FRAS1: variants seen among roughly 807,000 people sequenced by gnomAD.
FRAS1 encodes the protein Fraser extracellular matrix complex subunit 1, also known as extracellular matrix organizing protein FRAS1.
In FRAS1, 290 loss-of-function variants were observed where a neutral mutation model predicts 435.2. The observed-to-expected ratio is 0.67, with a 90% CI of 0.61 to 0.73. The LOEUF is 0.73. FRAS1 is among the 30% of genes least tolerant of loss of function. FRAS1 has a pLI of 0.00. For missense variants in FRAS1, 4,860 were observed against 5,001.5 expected (o/e 0.97, Z 0.85); for synonymous variants, 1,800 against 1,851.0 (o/e 0.97, Z 0.71).
chr4:78,265,327 G>C (rs568586869), intron 7 of FRAS1, among the ~76,000 whole-genome samples: 10 of 152,188 alleles, frequency 6.6e-5, no homozygotes, highest in Non-Finnish European at 1.5e-4. Flanking sequence ...CTGGCAAGCA[G>C]AACCTAGTTT....
intron 41 of FRAS1, among the ~76,000 whole-genome samples, chr4:78,443,154 G>A (rs898847094): frequency 2.0e-5 from 3 of 152,150 alleles, no homozygotes; most frequent in Admixed American, 6.5e-5. Context: ...TTTGAGACCA[G>A]TCTGGGCAAC....
intron 51 of FRAS1, among the ~76,000 whole-genome samples, chr4:78,471,298 C>T (rs1719699830): frequency 6.6e-6 from 1 of 152,078 alleles, no homozygotes; most frequent in East Asian, 1.9e-4. Context: ...TTTACCATCT[C>T]CATGGAGCTA....
chr4:78,379,661 AG>A (rs1560692518), intron 26 of FRAS1, 64 bp from the exon 27 acceptor site: 13 of 1,484,568 alleles, frequency 8.8e-6, no homozygotes, highest in Non-Finnish European at 1.2e-5. Flanking sequence ...AAACAAAATA[AG>A]GGGAAAGTGA....
chr4:78,473,635 A>T, intron 53 of FRAS1, 38 bp downstream of exon 53: 3 of 1,522,348 alleles, frequency 2.0e-6, no homozygotes, highest in Non-Finnish European at 2.7e-6. Context: ...TGAGAAATCA[A>T]TCAGGCAAGC....
chr4:78,332,844 A>T (rs968253980), intron 18 of FRAS1, among the ~76,000 whole-genome samples: 1 of 152,102 alleles, frequency 6.6e-6, no homozygotes, highest in African/African-American at 2.4e-5. Context: ...CACTTTATAA[A>T]CCTATGTGAA....
chr4:78,526,000 C>T (rs969124656), intron 69 of FRAS1, among the ~76,000 whole-genome samples: 43 of 152,164 alleles, frequency 2.8e-4, no homozygotes, highest in African/African-American at 6.3e-4. Flanking sequence ...GTGAGTGAAA[C>T]GGGTGCAGGG....
At chr4:78,188,730 T>C (rs1380968431) in intron 2 of FRAS1, among the ~76,000 whole-genome samples, 2 of 152,228 alleles carry the variant, frequency 1.3e-5, no homozygotes, top group East Asian at 3.8e-4. Flanking sequence ...TTTTTGCACA[T>C]TGAGCTCCAG....
intron 47 of FRAS1, 28 bp from the exon 48 acceptor site, chr4:78,463,991 GTC>G: frequency 6.2e-7 from 1 of 1,611,108 alleles, no homozygotes; most frequent in Non-Finnish European, 8.5e-7. Context: ...TTAATATCCT[GTC>G]TCTGTTTCTC....
intron 2 of FRAS1, among the ~76,000 whole-genome samples, chr4:78,176,146 C>A (rs962756239): frequency 2.0e-5 from 3 of 152,142 alleles, no homozygotes; most frequent in African/African-American, 7.2e-5. Context: ...AGTAATTTTT[C>A]TTTTGCAGTT....
intron 2 of FRAS1, among the ~76,000 whole-genome samples, chr4:78,067,692 T>C (rs1223953598): frequency 7.4e-6 from 1 of 134,660 alleles, no homozygotes; most frequent in East Asian, 2.2e-4. Context: ...TTATTATTAT[T>C]ATTATTATTA....
intron 14 of FRAS1, among the ~76,000 whole-genome samples, chr4:78,291,416 G>T (rs1018629216): frequency 1.3e-5 from 2 of 152,112 alleles, no homozygotes; most frequent in Admixed American, 1.3e-4. Flanking sequence ...CTCCTATGAG[G>T]CAGAGCTTGG....
chr4:78,105,572 T>C (rs1362048484), intron 2 of FRAS1, among the ~76,000 whole-genome samples: 1 of 152,202 alleles, frequency 6.6e-6, no homozygotes, highest in Non-Finnish European at 1.5e-5. Context: ...CTCTTTTGCA[T>C]GTGTTTGACA....
intron 2 of FRAS1, among the ~76,000 whole-genome samples, chr4:78,086,633 G>A (rs1407786718): frequency 6.6e-6 from 1 of 152,150 alleles, no homozygotes; most frequent in Non-Finnish European, 1.5e-5. Context: ...TACCATCAGA[G>A]AATACTATAA....
chr4:78,386,038 A>G (rs1279345706), intron 28 of FRAS1, among the ~76,000 whole-genome samples: 1 of 152,206 alleles, frequency 6.6e-6, no homozygotes, highest in Admixed American at 6.5e-5. Flanking sequence ...AAGTTACTCC[A>G]GTGAAAGATC....
chr4:78,077,581 C>T (rs1740699201), intron 2 of FRAS1, among the ~76,000 whole-genome samples: 1 of 152,066 alleles, frequency 6.6e-6, no homozygotes, highest in Non-Finnish European at 1.5e-5. Flanking sequence ...TTCTCATCAT[C>T]CACCCGCCTC....
rs1475418886 is a variant in FRAS1 at position 78,387,595 on chromosome 4, A to G, written c.3869A>G (p.His1290Arg). 2.5e-6 allele frequency: 4 copies of G among 1,613,708 alleles called. No individual in the cohort carries two copies. Among genetic ancestry groups the G allele is most frequent in the South Asian group, 1.1e-5 (1 of 91,028 alleles). Reference protein sequence around the residue: ...QLDELSRGLLHYAHDGSDSTS... With the variant: ...QLDELSRGLLRYAHDGSDSTS... ...GATGAACTCTCTAGAGGCCTTCTCC[A>G]CTATGCTCATGATGGTTCAGACAGC... The change falls in exon 29 of 74, where the codon CAC (histidine) becomes CGC (arginine). Residue 1290 changes from histidine to arginine, a missense_variant. Coordinates refer to ENST00000512123, the MANE Select transcript of FRAS1 (RefSeq NM_025074.7).
At chr4:78,530,723 G>T (rs1245287426) in intron 70 of FRAS1, among the ~76,000 whole-genome samples, 5 of 152,140 alleles carry the variant, frequency 3.3e-5, no homozygotes, top group Non-Finnish European at 7.4e-5. Flanking sequence ...CAAGTACCAT[G>T]CTGTTTTGGT....
chr4:78,436,056 C>T lies in FRAS1; in HGVS notation c.5218-2514C>T, dbSNP rs1734414629. On this transcript the variant is annotated intron_variant, in intron 38 of 73. Transcript: ENST00000512123. Reference sequence around the variant, plus strand: ...GACTATATTAAAAATTAAATTTGTGCTCATCAAAACACACCACAAAGCAGC... The same window carrying T: ...GACTATATTAAAAATTAAATTTGTGTTCATCAAAACACACCACAAAGCAGC... Among the ~76,000 whole-genome samples the T allele has an allele frequency of 2.0e-5, 3 of 152,008 alleles. No individual in the cohort carries two copies. The South Asian group carries it at 6.2e-4, about 31-fold the overall frequency.
At chr4:78,464,392 T>G (rs1484667520) in intron 48 of FRAS1, 51 bp from the exon 49 acceptor site, 1 of 1,607,406 alleles carries the variant, frequency 6.2e-7, no homozygotes, top group Admixed American at 1.7e-5. Flanking sequence ...TTGGACTTGT[T>G]GGGTAGGTGC....
Sources: gnomAD v4.1 joint callset for allele counts (sites outside exome capture counted in the v4.1 genomes callset) on GRCh38, gnomAD v4.1.1 for gene constraint, MANE v1.5 for transcripts, NCBI Gene and HGNC (gene_info 2026-07-23, HGNC 2026-07-21) for gene names.